The following PKP1 variants were observed in gnomAD, a reference collection of about 807,000 sequenced individuals.
The protein encoded by PKP1 is plakophilin 1.
Under a neutral mutation model 76.4 loss-of-function variants are expected in PKP1, and 27 were observed. The observed-to-expected ratio is 0.35, with a 90% CI of 0.26 to 0.49. The LOEUF (loss-of-function observed/expected upper bound fraction) is 0.49, where lower values mean the gene tolerates loss of function less well. Ranked by LOEUF, PKP1 falls within the 20% of genes least tolerant of loss-of-function variation. The probability of loss-of-function intolerance (pLI) is 0.99; values close to 1 mark genes in which losing one functional copy is unlikely to be tolerated. For missense variants in PKP1, 964 were observed against 955.2 expected (o/e 1.01, Z -0.12); for synonymous variants, 404 against 384.2 (o/e 1.05, Z -0.60).
intron 1 of PKP1, among the ~76,000 whole-genome samples, chr1:201,285,241 C>G (rs1026947389): frequency 1.3e-5 from 2 of 151,232 alleles, no homozygotes; most frequent in Non-Finnish European, 3.0e-5. Context: ...CACACACACA[C>G]ACACACACAC....
intron 2 of PKP1, among the ~76,000 whole-genome samples, chr1:201,294,324 C>T (rs561611036): frequency 1.1e-4 from 16 of 152,278 alleles, no homozygotes; most frequent in South Asian, 2.1e-4. Flanking sequence ...CCCAGTAGGT[C>T]TGATTTGATC....
chr1:201,302,613 C>T (rs1327127201), intron 2 of PKP1, among the ~76,000 whole-genome samples: 4 of 152,234 alleles, frequency 2.6e-5, no homozygotes, highest in Admixed American at 1.3e-4. Flanking sequence ...CCCCAGGGCC[C>T]TGGCATGTCT....
chr1:201,291,048 C>T (rs1239062899), intron 1 of PKP1, among the ~76,000 whole-genome samples: 3 of 152,188 alleles, frequency 2.0e-5, no homozygotes, highest in Non-Finnish European at 2.9e-5. Context: ...GGGAGCAGTG[C>T]TCTTACAGAC....
At chr1:201,323,372 T>C (rs1657008548) in intron 9 of PKP1, among the ~76,000 whole-genome samples, 183 bp downstream of exon 9, 2 of 151,936 alleles carry the variant, frequency 1.3e-5, no homozygotes, top group African/African-American at 2.4e-5. Context: ...CTTTAGGAGC[T>C]GCTGGGGGAT....
intron 2 of PKP1, among the ~76,000 whole-genome samples, chr1:201,307,132 T>C (rs1033582226): frequency 6.6e-6 from 1 of 152,212 alleles, no homozygotes; most frequent in African/African-American, 2.4e-5. Context: ...GGGTGGGCAC[T>C]GCTGGTCTCG....
chr1:201,316,625 T>C lies in PKP1; in HGVS notation c.774T>C (p.Asp258=), dbSNP rs375835333. The change falls in exon 4 of 14, where the codon GAT becomes GAC. Residue 258 remains aspartate, a synonymous_variant. Transcript: ENST00000367324. The part of the protein sequence containing the change: ...PKAVQYLSSQ[D]EKYQAIGAYY... ...CTGTGCAGTACCTGAGCTCCCAGGA[T>C]GAGAAGTACCAGGCCATTGGGGCCT... The C allele has an allele frequency of 3.7e-6, 6 of 1,613,374 alleles. No homozygotes were observed. In the East Asian group the frequency reaches 8.9e-5, roughly 24 times the overall value.
In PKP1 at chr1:201,321,574, GA is replaced by G. The variant is rs796457162; in HGVS notation, c.1348-393del. Among the ~76,000 whole-genome samples the G allele has an allele frequency of 5.0e-3, 720 of 145,028 alleles. 7 individuals carry two copies. Among genetic ancestry groups the G allele is most frequent in the African/African-American group, 0.016 (624 of 39,822 alleles). ...GCTTCTTCTGGAGGAGTTTGTTCTG[GA>G]AAAAAAAAAAGACACATTCTTCAAT... On this transcript the variant is annotated intron_variant, in intron 7 of 13. Transcript: ENST00000367324.
intron 2 of PKP1, among the ~76,000 whole-genome samples, chr1:201,307,388 C>T (rs564843730): frequency 1.3e-5 from 2 of 152,170 alleles, no homozygotes; most frequent in Non-Finnish European, 2.9e-5. Context: ...AGGCAGGGAT[C>T]GACACTTCCC....
At chr1:201,301,322 C>T (rs1265948554) in intron 2 of PKP1, among the ~76,000 whole-genome samples, 3 of 152,214 alleles carry the variant, frequency 2.0e-5, no homozygotes, top group African/African-American at 4.8e-5. Flanking sequence ...CGATCAGCAG[C>T]GGATCCTTCT....
At chr1:201,329,643 G>A (rs1657257771) in intron 13 of PKP1, among the ~76,000 whole-genome samples, 1 of 152,172 alleles carries the variant, frequency 6.6e-6, no homozygotes, top group African/African-American at 2.4e-5. Flanking sequence ...TGAGCTAAGG[G>A]GGACCTCTTA....
chr1:201,304,864 A>G (rs530407641), intron 2 of PKP1, among the ~76,000 whole-genome samples: 1 of 152,352 alleles, frequency 6.6e-6, no homozygotes, highest in East Asian at 1.9e-4. Flanking sequence ...GGACCAGCCT[A>G]AAGTTCTCTG....
intron 5 of PKP1, among the ~76,000 whole-genome samples, chr1:201,318,143 T>A (rs754601043): frequency 2.6e-5 from 4 of 152,158 alleles, no homozygotes; most frequent in South Asian, 4.1e-4. Context: ...GCACCTACCC[T>A]GTGTTCAAGA....
intron 11 of PKP1, 66 bp downstream of exon 11, chr1:201,325,193 G>GGT: frequency 1.3e-6 from 2 of 1,512,534 alleles, no homozygotes; most frequent in Non-Finnish European, 1.8e-6. Context: ...TGCACAGCAG[G>GGT]AAGCAGTCCC....
rs1558180105 is a variant in PKP1 at position 201,283,570 on chromosome 1, A to G, written c.-133A>G. ...GCAGCTGCAGGGAGCCCTCACGCGG[A>G]CCACGCACTCTATGGCCGTAGGGAG... On this transcript the variant is annotated 5_prime_UTR_variant, in exon 1 of 14. Coordinates refer to ENST00000367324, the MANE Select transcript of PKP1 (RefSeq NM_001005337.3). 1.1e-5 allele frequency: 9 copies of G among 801,328 alleles called. No homozygotes were observed. In the Admixed American group the frequency reaches 1.8e-4, roughly 16 times the overall value. 49.6% of individuals were successfully genotyped at this position (801,328 alleles called of 1,614,324 possible).
rs985069024 is a variant in PKP1, at chr1:201,313,522, C to A, written c.663C>A (p.Asn221Lys). 2.5e-6 allele frequency: 4 copies of A among 1,613,956 alleles called. No homozygotes were observed. The highest frequency in any genetic ancestry group is 3.4e-6 in the Non-Finnish European group (4 of 1,180,012). The stretch of plus-strand genomic sequence containing the variant: ...TGTATATCCCGCCCATCTCCTGCAA[C>A]AAGGACCTGTCCTTTGGCCACTCTA... Reference protein sequence around the residue: ...DPVYIPPISCNKDLSFGHSRA... With the variant: ...DPVYIPPISCKKDLSFGHSRA... Residue 221 changes from asparagine to lysine, a missense_variant, in exon 3 of 14, where the codon AAC (asparagine) becomes AAA (lysine). Transcript: ENST00000367324.
intron 1 of PKP1, among the ~76,000 whole-genome samples, chr1:201,288,951 C>T (rs949315635): frequency 6.6e-6 from 1 of 152,330 alleles, no homozygotes; most frequent in East Asian, 1.9e-4. Flanking sequence ...TTTGTTTCAG[C>T]ATTTCTGTTC....
At position 201,313,579 on chromosome 1, in the gene PKP1, G is replaced by T. The variant is rs753010264; in HGVS notation, c.701+19G>T. 1 of 1,605,634 alleles carries T rather than the reference G, an allele frequency of 6.2e-7. No homozygotes were observed. The highest frequency in any genetic ancestry group is 1.3e-5 in the African/African-American group (1 of 74,798). ...GCTCCAAGTGAGTGCTGCTGGGCTG[G>T]GTTGGGGAGCCAGGAGGGCCAGTGG... is the stretch of plus-strand genomic sequence containing the variant. On this transcript the variant is annotated intron_variant, in intron 3 of 13. Transcript: ENST00000367324.
At chr1:201,328,434 C>T (rs1657213638) in intron 12 of PKP1, 1 of 396,876 alleles carries the variant, frequency 2.5e-6, no homozygotes, top group South Asian at 2.2e-5. Flanking sequence ...GAACAATTGA[C>T]AGCTTCTCTA....
chr1:201,294,203 C>T (rs1367208763), intron 2 of PKP1, among the ~76,000 whole-genome samples, 158 bp downstream of exon 2: 1 of 152,152 alleles, frequency 6.6e-6, no homozygotes, highest in Non-Finnish European at 1.5e-5. Context: ...TTGACTTGGC[C>T]ATTGTTTCAT....
Sources: allele counts gnomAD v4.1 joint callset (sites outside exome capture counted in the v4.1 genomes callset), GRCh38; gene constraint gnomAD v4.1.1; transcripts MANE v1.5; gene names NCBI Gene and HGNC (gene_info 2026-07-23, HGNC 2026-07-21).